The following DNAH17 variants were observed in gnomAD, a reference collection of about 807,000 sequenced individuals.
DNAH17 encodes axonemal beta dynein heavy chain 17.
A neutral mutation model predicts 485.6 loss-of-function variants in DNAH17; 376 were observed. The observed-to-expected ratio is 0.77, with a 90% CI of 0.71 to 0.84. The LOEUF (loss-of-function observed/expected upper bound fraction) is 0.84, where lower values mean the gene tolerates loss of function less well. DNAH17 is among the 40% of genes least tolerant of loss of function. DNAH17 has a pLI of 0.00. For synonymous variants in DNAH17, 3,031 were observed against 2,405.9 expected (o/e 1.26, Z -7.60); for missense variants, 6,370 against 5,839.3 (o/e 1.09, Z -2.96).
intron 66 of DNAH17, 120 bp downstream of exon 66, chr17:78,451,349 T>G: frequency 1.1e-6 from 1 of 912,334 alleles, no homozygotes; most frequent in Non-Finnish European, 1.6e-6. Flanking sequence ...TGAGGCACCT[T>G]CAGAGAGAAG....
chr17:78,426,949 T>G lies in DNAH17; in HGVS notation c.12748A>C (p.Lys4250Gln). The G allele has an allele frequency of 6.2e-7, 1 of 1,608,580 alleles. No homozygotes were observed. The highest frequency in any genetic ancestry group is 1.1e-5 in the South Asian group (1 of 89,858). ...ILTNEMRRSL[K>Q]ELNLGLKGEL... ...ACCTTCAGCCCCAGGTTCAGCTCCTTGAGCGAACGGCGCATTTCGTTGGTC... is the reference window on the plus strand; with the variant it reads ...ACCTTCAGCCCCAGGTTCAGCTCCTGGAGCGAACGGCGCATTTCGTTGGTC... Residue 4250 changes from lysine to glutamine, a missense_variant, in exon 78 of 81, where the codon AAG (lysine) becomes CAG (glutamine). Lys to Gln is a moderately conservative substitution (Grantham distance 53, BLOSUM62 1). Coordinates refer to ENST00000389840, the MANE Select transcript of DNAH17 (RefSeq NM_173628.4).
intron 6 of DNAH17, among the ~76,000 whole-genome samples, 155 bp downstream of exon 6, chr17:78,570,793 G>C (rs527786613): frequency 3.4e-5 from 5 of 145,632 alleles, no homozygotes; most frequent in Non-Finnish European, 7.5e-5. Flanking sequence ...GGGAGTTGGA[G>C]GTTGCAGTGA....
At position 78,490,500 on chromosome 17, in the gene DNAH17, C is replaced by T. The variant is rs571191492; in HGVS notation, c.6818+199G>A. On this transcript the variant is annotated intron_variant, in intron 44 of 80. Coordinates refer to ENST00000389840, the MANE Select transcript of DNAH17 (RefSeq NM_173628.4). ...TGCAAACATCCGTTTGCTCAGCTGC[C>T]CTGCCTCGTGTCACTGTGAATTTAC... Among the ~76,000 whole-genome samples the T allele has an allele frequency of 1.1e-4, 16 of 152,172 alleles. No homozygotes were observed. In the South Asian group the frequency reaches 3.1e-3, roughly 30 times the overall value.
At chr17:78,547,571 C>T (rs1437963231) in intron 16 of DNAH17, among the ~76,000 whole-genome samples, 3 of 151,964 alleles carry the variant, frequency 2.0e-5, no homozygotes, top group Non-Finnish European at 2.9e-5. Flanking sequence ...ATTTTTGTCT[C>T]CCCAGCTTGA....
intron 77 of DNAH17, among the ~76,000 whole-genome samples, chr17:78,427,803 C>G (rs542735737): frequency 6.6e-6 from 1 of 152,258 alleles, no homozygotes; most frequent in Non-Finnish European, 1.5e-5. Flanking sequence ...GAAACTGTCT[C>G]TACCACAAAT....
chr17:78,543,102 T>C (rs938036201), intron 17 of DNAH17, among the ~76,000 whole-genome samples: 3 of 134,344 alleles, frequency 2.2e-5, no homozygotes, highest in African/African-American at 9.1e-5. Context: ...CTCGCTTGGA[T>C]TAAAGATCAT....
rs1376748200 is a variant in DNAH17 at position 78,541,948 on chromosome 17, C to T, written c.2532+1909G>A. Among the ~76,000 whole-genome samples, 5 of 152,054 alleles carry T rather than the reference C, an allele frequency of 3.3e-5. No homozygotes were observed. In the East Asian group the frequency reaches 9.6e-4, roughly 29 times the overall value. ...GGAACTGGGAATGAGGCACAACAGA[C>T]TCTGGTTCAGTCAAGTCACTTCCTG... On this transcript the variant is annotated intron_variant, in intron 17 of 80. Coordinates refer to ENST00000389840, the MANE Select transcript of DNAH17 (RefSeq NM_173628.4).
intron 16 of DNAH17, among the ~76,000 whole-genome samples, chr17:78,546,030 A>G (rs2091753955): frequency 6.6e-6 from 1 of 151,778 alleles, no homozygotes; most frequent in African/African-American, 2.4e-5. Flanking sequence ...GCTGGAGGGC[A>G]GTGGCACAAT....
At chr17:78,532,402 C>T in intron 20 of DNAH17, 80 bp downstream of exon 20, 1 of 1,488,434 alleles carries the variant, frequency 6.7e-7, no homozygotes, top group Non-Finnish European at 8.9e-7. Flanking sequence ...ACAATTCACC[C>T]AAGTTTTAAA....
chr17:78,472,245 G>A lies in DNAH17; in HGVS notation c.8511+3033C>T, dbSNP rs1370706836. 3.4e-5 allele frequency among the ~76,000 whole-genome samples: 5 copies of A among 148,452 alleles called. 1 individual carries two copies. The stretch of plus-strand genomic sequence containing the variant: ...TGTGAGACATTAGGGTTATGGAGTA[G>A]GGGTGCGAGGGTTAGGGTTAGGGAG... On this transcript the variant is annotated intron_variant, in intron 54 of 80. Coordinates refer to ENST00000389840, the MANE Select transcript of DNAH17 (RefSeq NM_173628.4).
intron 67 of DNAH17, 118 bp downstream of exon 67, chr17:78,450,564 T>C: frequency 7.0e-7 from 1 of 1,432,068 alleles, no homozygotes. Flanking sequence ...CTGGGCCCAC[T>C]CGGGCACGTA....
At chr17:78,540,386 CTGGATGGA>C (rs1189954419) in intron 17 of DNAH17, among the ~76,000 whole-genome samples, 2 of 114,668 alleles carry the variant, frequency 1.7e-5, no homozygotes, top group Admixed American at 1.8e-4. Context: ...GGACGGATAG[CTGGATGGA>C]TGGATGGGGT....
chr17:78,499,470 C>A (rs118003736), intron 36 of DNAH17: 470 of 161,170 alleles, frequency 2.9e-3, no homozygotes, highest in Non-Finnish European at 4.9e-3. Flanking sequence ...TCCTCTAAGG[C>A]GGGATGGGGG....
At chr17:78,430,712 C>G (rs1464232220) in intron 75 of DNAH17, among the ~76,000 whole-genome samples, 2 of 152,100 alleles carry the variant, frequency 1.3e-5, no homozygotes. Flanking sequence ...TTCTGAGTAG[C>G]TGGGATTACA....
intron 32 of DNAH17, 50 bp from the exon 33 acceptor site, chr17:78,502,748 C>G (rs1293218366): frequency 5.6e-6 from 9 of 1,599,184 alleles, no homozygotes; most frequent in Non-Finnish European, 8.5e-7. Flanking sequence ...TCGCTGGCGC[C>G]TGCTAACGCA....
chr17:78,474,930 C>T (rs60727412), intron 54 of DNAH17, among the ~76,000 whole-genome samples: 26,308 of 127,120 alleles, frequency 0.21, 2,931 homozygotes, highest in African/African-American at 0.38. Context: ...CTCAGTCACA[C>T]GGGCCGAAAG....
At chr17:78,570,023 C>A (rs1053930446) in intron 7 of DNAH17, among the ~76,000 whole-genome samples, 4 of 152,126 alleles carry the variant, frequency 2.6e-5, no homozygotes, top group Non-Finnish European at 5.9e-5. Flanking sequence ...ACCTCCTCCT[C>A]TGTCCCCGTC....
chr17:78,452,041 G>C (rs948444933), intron 65 of DNAH17, among the ~76,000 whole-genome samples: 1 of 151,640 alleles, frequency 6.6e-6, no homozygotes, highest in Admixed American at 6.6e-5. Flanking sequence ...TGCAACCCTG[G>C]GTCTGCTCAT....
chr17:78,548,221 T>TTTTTTTC (rs2091819419), intron 16 of DNAH17, among the ~76,000 whole-genome samples: 1 of 140,098 alleles, frequency 7.1e-6, no homozygotes, highest in Non-Finnish European at 1.6e-5. Context: ...TTTTTTTTTT[T>TTTTTTTC]GGAGACAGAG....
Sources: allele counts gnomAD v4.1 joint callset (sites outside exome capture counted in the v4.1 genomes callset), GRCh38; gene constraint gnomAD v4.1.1; transcripts MANE v1.5; gene names NCBI Gene and HGNC (gene_info 2026-07-23, HGNC 2026-07-21).